EIF3H: variants seen among roughly 807,000 people sequenced by gnomAD.
The protein encoded by EIF3H is eukaryotic translation initiation factor 3 subunit H.
EIF3H carries 26 observed loss-of-function variants against 44.2 expected under a neutral mutation model. The ratio of observed to expected loss-of-function variants is 0.59; its 90% CI spans 0.43 to 0.82. The LOEUF is 0.82. Among genes scored for constraint, EIF3H ranks in the 40% least tolerant of loss-of-function variants. The probability of loss-of-function intolerance (pLI) is 0.00; values close to 1 mark genes in which losing one functional copy is unlikely to be tolerated. For synonymous variants in EIF3H, 166 were observed against 151.9 expected (o/e 1.09, Z -0.68); for missense variants, 359 against 432.8 (o/e 0.83, Z 1.51).
chr8:116,744,635 A>G (rs1815201964), intron 1 of EIF3H, among the ~76,000 whole-genome samples: 3 of 152,220 alleles, frequency 2.0e-5, no homozygotes, highest in Non-Finnish European at 4.4e-5. Context: ...TCTACCTACC[A>G]GTAGTAGTTT....
At chr8:116,735,834 G>A (rs1815026891) in intron 1 of EIF3H, among the ~76,000 whole-genome samples, 1 of 152,064 alleles carries the variant, frequency 6.6e-6, no homozygotes, top group Non-Finnish European at 1.5e-5. Context: ...GCTAAAGGAG[G>A]CTGGGAGGGT....
intron 2 of EIF3H, among the ~76,000 whole-genome samples, chr8:116,674,477 A>G (rs555071918): frequency 2.0e-5 from 3 of 152,242 alleles, no homozygotes; most frequent in East Asian, 1.9e-4. Flanking sequence ...TTTCCAGTCT[A>G]TGTCATAACT....
intron 1 of EIF3H, among the ~76,000 whole-genome samples, chr8:116,764,124 C>T (rs1357682589): frequency 1.3e-5 from 2 of 152,122 alleles, no homozygotes; most frequent in Non-Finnish European, 2.9e-5. Context: ...CTTACTCCAG[C>T]TGAATGTGGA....
intron 2 of EIF3H, among the ~76,000 whole-genome samples, chr8:116,716,046 G>C (rs1172903890): frequency 6.6e-6 from 1 of 152,060 alleles, no homozygotes; most frequent in Non-Finnish European, 1.5e-5. Context: ...AATTAAGAGA[G>C]AGACAAGCAA....
chr8:116,753,633 C>T (rs993834627), intron 1 of EIF3H, among the ~76,000 whole-genome samples: 13 of 152,156 alleles, frequency 8.5e-5, no homozygotes, highest in South Asian at 2.1e-4. Flanking sequence ...AATTGAGAAC[C>T]AGTCTCTTGA....
chr8:116,738,218 A>G (rs867984337), intron 1 of EIF3H, among the ~76,000 whole-genome samples: 14 of 152,222 alleles, frequency 9.2e-5, no homozygotes, highest in Non-Finnish European at 1.5e-4. Flanking sequence ...TTCACAAAAT[A>G]GAACAAACTA....
In EIF3H at chr8:116,646,509, G is replaced by A. The variant is rs200534489; in HGVS notation, c.923C>T (p.Pro308Leu). The A allele has an allele frequency of 1.2e-4, 194 of 1,614,078 alleles. No homozygotes were observed. The highest frequency in any genetic ancestry group is 1.6e-4 in the Non-Finnish European group (184 of 1,180,040). Reference protein sequence around the residue: ...EEDLSKLFKPPQPPARMDSLL... With the variant: ...EEDLSKLFKPLQPPARMDSLL... ...CGAGTCCATCCTGGCAGGCGGCTGTGGTGGTTTGAAGAGTTTGGACAGGTC... is the reference window on the plus strand; with the variant it reads ...CGAGTCCATCCTGGCAGGCGGCTGTAGTGGTTTGAAGAGTTTGGACAGGTC... The change falls in exon 7 of 8, where the codon CCA (proline) becomes CTA (leucine). Residue 308 changes from proline (P) to leucine (L), a missense_variant. Coordinates refer to ENST00000521861, the MANE Select transcript of EIF3H (RefSeq NM_003756.3).
chr8:116,713,654 C>T (rs956979986), intron 2 of EIF3H, among the ~76,000 whole-genome samples: 2 of 151,910 alleles, frequency 1.3e-5, no homozygotes, highest in East Asian at 3.9e-4. Flanking sequence ...CTTAATAAAC[C>T]AAAAACCAAA....
At chr8:116,645,167 T>C in intron 7 of EIF3H, 64 bp from the exon 8 acceptor site, 1 of 1,286,628 alleles carries the variant, frequency 7.8e-7, no homozygotes, top group Non-Finnish European at 1.1e-6. Context: ...TCCAGAAAGC[T>C]AGTCAAACAG....
At chr8:116,752,668 GAAA>G (rs1381416751) in intron 1 of EIF3H, among the ~76,000 whole-genome samples, 1 of 16,166 alleles carries the variant, frequency 6.2e-5, no homozygotes, top group Non-Finnish European at 1.4e-4. Context: ...CAGAAATGAA[GAAA>G]GAAAGAAAGA....
chr8:116,660,605 A>G (rs2130797633), intron 2 of EIF3H, among the ~76,000 whole-genome samples: 2 of 152,280 alleles, frequency 1.3e-5, no homozygotes, highest in Middle Eastern at 6.8e-3. Flanking sequence ...ATCTGAAGAG[A>G]CTTTCTTAAG....
At chr8:116,660,370 A>G (rs1457353781) in intron 2 of EIF3H, among the ~76,000 whole-genome samples, 1 of 152,226 alleles carries the variant, frequency 6.6e-6, no homozygotes, top group African/African-American at 2.4e-5. Flanking sequence ...TCAGGATCAT[A>G]AAGTATAAAA....
chr8:116,700,951 A>G (rs1009680503), intron 2 of EIF3H, among the ~76,000 whole-genome samples: 5 of 152,208 alleles, frequency 3.3e-5, no homozygotes, highest in African/African-American at 4.8e-5. Flanking sequence ...CTTTAATCAT[A>G]AAGTAAGACT....
chr8:116,705,101 T>C (rs753395806), intron 2 of EIF3H, among the ~76,000 whole-genome samples: 3 of 152,222 alleles, frequency 2.0e-5, no homozygotes, highest in Non-Finnish European at 2.9e-5. Flanking sequence ...TTCTTCAACA[T>C]CTAATTCATA....
At chr8:116,743,877 T>C (rs1815184019) in intron 1 of EIF3H, among the ~76,000 whole-genome samples, 1 of 150,884 alleles carries the variant, frequency 6.6e-6, no homozygotes, top group African/African-American at 2.4e-5. Context: ...GATTTTATTT[T>C]GTGTGTAATA....
intron 1 of EIF3H, among the ~76,000 whole-genome samples, chr8:116,745,408 T>C (rs933138179): frequency 1.3e-5 from 2 of 152,222 alleles, no homozygotes; most frequent in Non-Finnish European, 2.9e-5. Context: ...ATTTATTAAG[T>C]CATCTCCTCC....
chr8:116,727,925 T>C (rs1175116016), intron 1 of EIF3H, among the ~76,000 whole-genome samples: 3 of 152,196 alleles, frequency 2.0e-5, no homozygotes, highest in African/African-American at 7.2e-5. Context: ...ATACTGTGAA[T>C]TGGTGAGATC....
chr8:116,721,713 C>T (rs141352114), intron 2 of EIF3H, among the ~76,000 whole-genome samples: 94 of 152,346 alleles, frequency 6.2e-4, no homozygotes, highest in African/African-American at 2.2e-3. Flanking sequence ...GACATGGAGT[C>T]AAAGGAGATC....
chr8:116,679,949 G>T (rs1813943042), intron 2 of EIF3H, among the ~76,000 whole-genome samples: 1 of 9,322 alleles, frequency 1.1e-4, no homozygotes, highest in Non-Finnish European at 2.5e-4. Flanking sequence ...CCCCGTCCGG[G>T]AGGTGAGGGG....
Sources: allele counts gnomAD v4.1 joint callset (sites outside exome capture counted in the v4.1 genomes callset), GRCh38; gene constraint gnomAD v4.1.1; transcripts MANE v1.5; gene names NCBI Gene and HGNC (gene_info 2026-07-23, HGNC 2026-07-21).